Variants in ADAMTS9 observed in about 807,000 individuals in gnomAD.
ADAMTS9 encodes A disintegrin and metalloproteinase with thrombospondin motifs 9.
In ADAMTS9, 107 loss-of-function variants were observed where a neutral mutation model predicts 257.1. The ratio of observed to expected loss-of-function variants is 0.42; its 90% CI spans 0.36 to 0.49. The LOEUF is 0.49. Among genes scored for constraint, ADAMTS9 ranks in the 20% least tolerant of loss-of-function variants. The pLI, the probability that ADAMTS9 is intolerant of heterozygous loss-of-function variation, is 0.03. For missense variants in ADAMTS9, 2,353 were observed against 2,469.1 expected, an observed-to-expected ratio of 0.95 and a Z score of 1.00; for synonymous variants, 982 against 880.9, an observed-to-expected ratio of 1.11 and a Z score of -2.03.
intron 32 of ADAMTS9, among the ~76,000 whole-genome samples, chr3:64,545,760 TA>T (rs1019212837): frequency 6.6e-6 from 1 of 152,022 alleles, no homozygotes; most frequent in East Asian, 1.9e-4. Flanking sequence ...AGTATAATAA[TA>T]AAAAAATTAT....
intron 3 of ADAMTS9, among the ~76,000 whole-genome samples, chr3:64,677,872 G>C (rs900255325): frequency 1.3e-5 from 2 of 152,132 alleles, no homozygotes; most frequent in Non-Finnish European, 2.9e-5. Context: ...ATAAATGCAC[G>C]CATGAATGAA....
In ADAMTS9 at chr3:64,621,213, G is replaced by A; in HGVS notation, c.2714C>T (p.Thr905Ile). 1 of 1,613,616 alleles carries A rather than the reference G, an allele frequency of 6.2e-7. No individual in the cohort carries two copies. The highest frequency in any genetic ancestry group is 2.2e-5 in the East Asian group (1 of 44,788). The change falls in exon 19 of 40, where the codon ACC becomes ATC. Residue 905 changes from threonine (T) to isoleucine (I), a missense_variant. Thr to Ile is a moderately conservative substitution (Grantham distance 89). Around this residue, in one of 3 missense-constraint regions of ADAMTS9, gnomAD observed 1,402 missense variants for 1,441.4 expected, o/e 0.97. Coordinates refer to ENST00000498707, the MANE Select transcript of ADAMTS9 (RefSeq NM_182920.2). ...AACAGTAAGCTGATCAGATTCCCTG[G>A]TGCAAACAAGTTTTCGTTTCCGTTC... ...QGERKRKLVC[T>I]RESDQLTVSD... is the part of the protein sequence containing the mutation.
intron 25 of ADAMTS9, 125 bp downstream of exon 25, chr3:64,603,797 T>C (rs1208028770): frequency 4.3e-5 from 49 of 1,133,208 alleles, no homozygotes; most frequent in Non-Finnish European, 6.1e-5. Flanking sequence ...ATTTAAATCA[T>C]AAGACAAATC....
chr3:64,541,575 G>T lies in ADAMTS9; in HGVS notation c.5243C>A (p.Ala1748Asp). 1 of 1,614,018 alleles carries T rather than the reference G, an allele frequency of 6.2e-7. No homozygotes were observed. Among genetic ancestry groups the T allele is most frequent in the Non-Finnish European group, 8.5e-7 (1 of 1,179,990 alleles). ...NCKEVKRLKG[A>D]SEDGEYFLMI... Reference sequence around the variant, plus strand: ...CAGGAAATATTCACCATCTTCACTGGCACCTTTAAGTCTTTTTACCTCCTT... The same window carrying T: ...CAGGAAATATTCACCATCTTCACTGTCACCTTTAAGTCTTTTTACCTCCTT... The change falls in exon 34 of 40, where the codon GCC (alanine) becomes GAC (aspartate). Residue 1748 changes from alanine to aspartate, a missense_variant. Ala to Asp is a moderately radical substitution (Grantham distance 126, BLOSUM62 -2). Around this residue, in one of 3 missense-constraint regions of ADAMTS9, gnomAD observed 1,402 missense variants for 1,441.4 expected, o/e 0.97. Transcript: ENST00000498707.
At chr3:64,631,769 C>G in intron 15 of ADAMTS9, 39 bp downstream of exon 15, 1 of 1,536,656 alleles carries the variant, frequency 6.5e-7, no homozygotes, top group Non-Finnish European at 9.0e-7. Flanking sequence ...CAAACTTTGA[C>G]CATATTCCTT....
At chr3:64,517,191 T>A (rs780662874) in intron 39 of ADAMTS9, 70 bp from the exon 40 acceptor site, 1 of 152,586 alleles carries the variant, frequency 6.6e-6, no homozygotes, top group Non-Finnish European at 1.5e-5. Context: ...AGGCAACTGA[T>A]AAATTTTTAC....
rs573760728 is a variant in ADAMTS9 at position 64,542,211 on chromosome 3, G to A, written c.5065-241C>T. Among the ~76,000 whole-genome samples the A allele has an allele frequency of 7.3e-4, 103 of 140,700 alleles. 1 individual carries two copies. Among genetic ancestry groups the A allele is most frequent in the Non-Finnish European group, 1.2e-3 (79 of 63,916 alleles). 92.3% of individuals were successfully genotyped at this position (140,700 alleles called of 152,430 possible). On this transcript the variant is annotated intron_variant, in intron 32 of 39. Transcript: ENST00000498707. Reference sequence around the variant, plus strand: ...ATATATATGTATAAAACACTTATATGTGTAATTTTACACACACACACACAC... The same window carrying A: ...ATATATATGTATAAAACACTTATATATGTAATTTTACACACACACACACAC...
At chr3:64,588,952 A>G (rs987434277) in intron 28 of ADAMTS9, 1 of 152,218 alleles carries the variant, frequency 6.6e-6, no homozygotes, top group South Asian at 2.1e-4. Flanking sequence ...TCCACAAAAA[A>G]CTATCTTATT....
Position 64,522,256 on chromosome 3 carries a change from C to G in ADAMTS9, c.5723G>C (p.Gly1908Ala), listed in dbSNP as rs1364772533. The G allele has an allele frequency of 1.2e-6, 2 of 1,613,830 alleles. No individual in the cohort carries two copies. The highest frequency in any genetic ancestry group is 1.7e-6 in the Non-Finnish European group (2 of 1,179,852). ...ACCGCATTTCCCTACGACTCGGGTA[C>G]CATCCTGCAAGGAGATGCATCATGT... Reference protein sequence around the residue: ...AVSDIKKSPDGTRVVGKCGGY... With the variant: ...AVSDIKKSPDATRVVGKCGGY... The change falls in exon 39 of 40, where the codon GGT becomes GCT. Residue 1908 changes from glycine (G) to alanine (A), a missense_variant. By Grantham distance (60) the Gly-to-Ala change is moderately conservative (BLOSUM62 0). Transcript: ENST00000498707.
chr3:64,639,175 T>C (rs1217056325), intron 12 of ADAMTS9, among the ~76,000 whole-genome samples: 3 of 152,092 alleles, frequency 2.0e-5, no homozygotes, highest in Admixed American at 6.6e-5. Context: ...AGAGCCATTG[T>C]AACCTCCGTA....
chr3:64,589,776 A>AT (rs1182362936), intron 28 of ADAMTS9: 1 of 152,280 alleles, frequency 6.6e-6, no homozygotes, highest in African/African-American at 2.4e-5. Flanking sequence ...TGATTTAGGT[A>AT]TTTTTTGAAA....
At position 64,651,030 on chromosome 3, in the gene ADAMTS9, T is replaced by A; in HGVS notation, c.1450A>T (p.Thr484Ser). ...MWSKCSRKYI[T>S]EFLDTGYGEC... ...TTCAAGTCTTACTCTAAAAACTCAG[T>A]GATATATTTTCGACTACACTTTGAC... is the stretch of plus-strand genomic sequence containing the variant. Residue 484 changes from threonine (T) to serine (S), a missense_variant, in exon 9 of 40, where the codon ACT (threonine) becomes TCT (serine). Thr to Ser is a moderately conservative substitution (Grantham distance 58). Coordinates refer to ENST00000498707, the MANE Select transcript of ADAMTS9 (RefSeq NM_182920.2). 2 of 1,604,650 alleles carry A rather than the reference T, an allele frequency of 1.2e-6. No homozygotes were observed. Among genetic ancestry groups the A allele is most frequent in the Non-Finnish European group, 1.7e-6 (2 of 1,176,550 alleles).
At chr3:64,655,728 C>A in intron 5 of ADAMTS9, 37 bp from the exon 6 acceptor site, 1 of 1,592,896 alleles carries the variant, frequency 6.3e-7, no homozygotes, top group Non-Finnish European at 8.6e-7. Flanking sequence ...ATCTGTTGTA[C>A]CGATCCCAAT....
intron 29 of ADAMTS9, among the ~76,000 whole-genome samples, chr3:64,564,627 C>T (rs982550323): frequency 6.6e-5 from 10 of 150,462 alleles, no homozygotes; most frequent in East Asian, 1.9e-4. Flanking sequence ...GTGGGGGGGG[C>T]GTTGTCGTGT....
At chr3:64,640,331 C>A (rs1224072784) in intron 12 of ADAMTS9, among the ~76,000 whole-genome samples, 1 of 152,192 alleles carries the variant, frequency 6.6e-6, no homozygotes, top group East Asian at 1.9e-4. Flanking sequence ...TTGATTCACA[C>A]AATTCAGATT....
At chr3:64,525,764 C>T (rs1333701588) in intron 38 of ADAMTS9, among the ~76,000 whole-genome samples, 1 of 151,716 alleles carries the variant, frequency 6.6e-6, no homozygotes, top group Non-Finnish European at 1.5e-5. Context: ...GTGTGCACTA[C>T]CATACCTGGC....
chr3:64,598,875 A>G (rs777554490), intron 26 of ADAMTS9, among the ~76,000 whole-genome samples: 3 of 152,130 alleles, frequency 2.0e-5, no homozygotes, highest in Admixed American at 6.5e-5. Flanking sequence ...GAAAGGCTCA[A>G]TGTTTTAACC....
chr3:64,517,416 G>GTTTGTTTTTTTTTTTTTTTT (rs1553698667), intron 39 of ADAMTS9, among the ~76,000 whole-genome samples: 2 of 52,638 alleles, frequency 3.8e-5, no homozygotes, highest in Admixed American at 3.8e-4. Flanking sequence ...ATTAAAAATG[G>GTTTGTTTTTTTTTTTTTTTT]TTTTTTTTTT....
At chr3:64,634,694 G>A (rs1479676892) in intron 12 of ADAMTS9, among the ~76,000 whole-genome samples, 4 of 152,142 alleles carry the variant, frequency 2.6e-5, no homozygotes, top group Admixed American at 6.5e-5. Context: ...TCACAGAATC[G>A]TAGGACGTTG....
Sources: gnomAD v4.1 joint callset for allele counts (sites outside exome capture counted in the v4.1 genomes callset) on GRCh38, gnomAD v4.1.1 for gene constraint, gnomAD v4.1.1 regional missense constraint, MANE v1.5 for transcripts, NCBI Gene and HGNC (gene_info 2026-07-23, HGNC 2026-07-21) for gene names.